LRRC49: variants seen among roughly 807,000 people sequenced by gnomAD.
The protein encoded by LRRC49 is leucine-rich repeat-containing protein 49.
Under a neutral mutation model 83.3 loss-of-function variants are expected in LRRC49, and 50 were observed. The observed-to-expected ratio is 0.60, with a 90% CI of 0.48 to 0.76. LRRC49 has a LOEUF of 0.76. Ranked by LOEUF, LRRC49 falls within the 30% of genes least tolerant of loss-of-function variation. The pLI is 0.00. For missense variants in LRRC49, 704 were observed against 809.1 expected (o/e 0.87, Z 1.58); for synonymous variants, 286 against 283.3 (o/e 1.01, Z -0.10).
intron 9 of LRRC49, among the ~76,000 whole-genome samples, chr15:70,966,341 G>A (rs1285848094): frequency 6.6e-6 from 1 of 152,082 alleles, no homozygotes; most frequent in East Asian, 1.9e-4. Flanking sequence ...ACATCTCTGA[G>A]ACTGTGGGCA....
At position 70,943,981 on chromosome 15, in the gene LRRC49, T is replaced by C. The variant is rs184090750; in HGVS notation, c.773+7159T>C. Among the ~76,000 whole-genome samples the C allele has an allele frequency of 3.5e-3, 538 of 152,202 alleles. 2 individuals carry two copies. The highest frequency in any genetic ancestry group is 6.0e-3 in the Non-Finnish European group (408 of 67,980). On this transcript the variant is annotated intron_variant, in intron 8 of 15. Coordinates refer to ENST00000260382, the MANE Select transcript of LRRC49 (RefSeq NM_017691.5). ...AGCTACTTACTGTAACACATCCATA[T>C]TTTTTTTGTTACGACAGTAAACATA...
At chr15:71,030,281 G>C (rs2039308925) in intron 14 of LRRC49, among the ~76,000 whole-genome samples, 1 of 152,104 alleles carries the variant, frequency 6.6e-6, no homozygotes, top group Non-Finnish European at 1.5e-5. Context: ...ATGAAGCTTA[G>C]TTTGGCTGGA....
intron 15 of LRRC49, among the ~76,000 whole-genome samples, chr15:71,046,167 A>C (rs2039850687): frequency 6.6e-6 from 1 of 152,146 alleles, no homozygotes; most frequent in African/African-American, 2.4e-5. Context: ...ATATGAGCGC[A>C]TGTGTCTTTT....
At chr15:70,928,118 CT>C (rs1330404351) in intron 7 of LRRC49, among the ~76,000 whole-genome samples, 1 of 152,104 alleles carries the variant, frequency 6.6e-6, no homozygotes, top group Non-Finnish European at 1.5e-5. Flanking sequence ...TCAAATGGAT[CT>C]TTTTTCTGGA....
chr15:70,908,859 A>G (rs2034428379), intron 5 of LRRC49, among the ~76,000 whole-genome samples: 1 of 152,192 alleles, frequency 6.6e-6, no homozygotes, highest in South Asian at 2.1e-4. Context: ...TTAAAGTTAA[A>G]CTGTAAACTA....
intron 2 of LRRC49, 93 bp from the exon 3 acceptor site, chr15:70,895,756 G>T (rs2033806398): frequency 2.9e-6 from 2 of 685,556 alleles, no homozygotes; most frequent in Non-Finnish European, 4.9e-6. Flanking sequence ...ATTGTACCAT[G>T]TGTATCAGTT....
At chr15:70,986,190 TG>T (rs1275956229) in intron 11 of LRRC49, among the ~76,000 whole-genome samples, 5 of 151,972 alleles carry the variant, frequency 3.3e-5, no homozygotes, top group Admixed American at 6.6e-5. Flanking sequence ...GGTAGCTTGA[TG>T]GGGATGGCAT....
At chr15:70,879,298 A>G (rs2033214131) in intron 2 of LRRC49, among the ~76,000 whole-genome samples, 1 of 152,174 alleles carries the variant, frequency 6.6e-6, no homozygotes, top group Admixed American at 6.5e-5. Context: ...TAACTGCTTT[A>G]AAGTTCTTGT....
chr15:70,934,619 T>C (rs2035534787), intron 7 of LRRC49, among the ~76,000 whole-genome samples: 1 of 152,202 alleles, frequency 6.6e-6, no homozygotes, highest in South Asian at 2.1e-4. Context: ...AAAAAACTTT[T>C]TCTCACAAAT....
chr15:70,893,025 T>A, intron 1 of LRRC49, 83 bp downstream of exon 1: 2 of 1,477,206 alleles, frequency 1.4e-6, no homozygotes, highest in Non-Finnish European at 1.9e-6. Flanking sequence ...TGGGCTGTAT[T>A]ATTAGGACCG....
At chr15:70,861,782 G>A (rs1235913441) in intron 1 of LRRC49, among the ~76,000 whole-genome samples, 1 of 152,122 alleles carries the variant, frequency 6.6e-6, no homozygotes, top group Non-Finnish European at 1.5e-5. Context: ...ACCCTTAGCC[G>A]GGCATGGTGG....
chr15:71,015,736 A>G (rs2038805131), intron 14 of LRRC49, among the ~76,000 whole-genome samples: 2 of 152,336 alleles, frequency 1.3e-5, no homozygotes, highest in South Asian at 2.1e-4. Context: ...GTAACTTAGC[A>G]ATATCTAATA....
chr15:70,967,141 G>C (rs1327245866), intron 9 of LRRC49, among the ~76,000 whole-genome samples: 1 of 151,966 alleles, frequency 6.6e-6, no homozygotes, highest in African/African-American at 2.4e-5. Context: ...GAAGCTGAGA[G>C]AATATAGCAG....
chr15:71,043,518 C>T (rs900944732), intron 15 of LRRC49, among the ~76,000 whole-genome samples: 2 of 152,248 alleles, frequency 1.3e-5, no homozygotes, highest in Non-Finnish European at 1.5e-5. Flanking sequence ...CAGGTCAGGG[C>T]AAGAGAGGTG....
chr15:70,870,616 G>A (rs545980058), intron 1 of LRRC49, among the ~76,000 whole-genome samples: 8 of 152,086 alleles, frequency 5.3e-5, no homozygotes, highest in Non-Finnish European at 1.0e-4. Flanking sequence ...TCAGCCTCCC[G>A]AGTAGCTGGG....
chr15:70,926,085 T>G (rs1247786179), intron 7 of LRRC49, among the ~76,000 whole-genome samples: 1 of 152,228 alleles, frequency 6.6e-6, no homozygotes. Flanking sequence ...TCATCCATTT[T>G]GTTGTGCATA....
intron 4 of LRRC49, among the ~76,000 whole-genome samples, chr15:70,904,280 A>C (rs1196069216): frequency 2.0e-5 from 3 of 152,186 alleles, no homozygotes; most frequent in Non-Finnish European, 2.9e-5. Flanking sequence ...TGTTAAGTCA[A>C]TTTCATGTGA....
intron 11 of LRRC49, among the ~76,000 whole-genome samples, chr15:71,007,645 A>G (rs191629946): frequency 4.0e-5 from 6 of 150,710 alleles, no homozygotes; most frequent in Admixed American, 2.6e-4. Flanking sequence ...ATAGCCTTAT[A>G]TAAAAAATGT....
intron 1 of LRRC49, chr15:70,859,267 G>C (rs2032727613): frequency 1.2e-6 from 1 of 862,676 alleles, no homozygotes; most frequent in African/African-American, 1.7e-5. Flanking sequence ...AGATCAATAA[G>C]CGTACAGAGG....
Sources: gnomAD v4.1 joint callset for allele counts (sites outside exome capture counted in the v4.1 genomes callset) on GRCh38, gnomAD v4.1.1 for gene constraint, MANE v1.5 for transcripts, NCBI Gene and HGNC (gene_info 2026-07-23, HGNC 2026-07-21) for gene names.